GPR137C: variants seen among roughly 807,000 people sequenced by gnomAD.
The protein encoded by GPR137C is integral membrane protein GPR137C.
Under a neutral mutation model 43.4 loss-of-function variants are expected in GPR137C, and 27 were observed. That is an observed-to-expected ratio of 0.62 (90% confidence interval 0.46 to 0.86). The LOEUF is 0.86. Ranked by LOEUF, GPR137C falls within the 40% of genes least tolerant of loss-of-function variation. The pLI is 0.00. For synonymous variants in GPR137C, 285 were observed against 226.9 expected, an observed-to-expected ratio of 1.26 and a Z score of -2.30; for missense variants, 522 against 534.6, an observed-to-expected ratio of 0.98 and a Z score of 0.23.
chr14:52,556,315 T>C (rs1013997449), intron 1 of GPR137C, among the ~76,000 whole-genome samples: 1 of 152,034 alleles, frequency 6.6e-6, no homozygotes, highest in Non-Finnish European at 1.5e-5. Context: ...CAAACTCTAC[T>C]ACTTTGAATA....
chr14:52,621,214 T>C (rs2039157192), intron 3 of GPR137C, among the ~76,000 whole-genome samples: 1 of 151,822 alleles, frequency 6.6e-6, no homozygotes, highest in South Asian at 2.1e-4. Flanking sequence ...AAATGATGAC[T>C]CACTTCTCAT....
At chr14:52,558,926 A>G (rs1003909867) in intron 1 of GPR137C, among the ~76,000 whole-genome samples, 12 of 152,216 alleles carry the variant, frequency 7.9e-5, no homozygotes, top group Non-Finnish European at 1.8e-4. Flanking sequence ...GAATGAGGAT[A>G]TAATGAGCAG....
In GPR137C at chr14:52,634,958, T is replaced by G. The variant is rs752984384; in HGVS notation, c.1133T>G (p.Leu378Trp). ...TGCAGTTTACCAAATTCGCAAAGTT[T>G]GGGCTGGTATGGCACCATGACTGGG... ...REGSLPNSQS[L>W]GWYGTMTGCG... The change falls in exon 7 of 7, where the codon TTG (leucine) becomes TGG (tryptophan). Residue 378 changes from leucine (L) to tryptophan (W), a missense_variant. By Grantham distance (61) the Leu-to-Trp change is moderately conservative. Around this residue, in one of 3 missense-constraint regions of GPR137C, gnomAD observed 67 missense variants for 69.0 expected, o/e 0.97. Transcript: ENST00000321662. 6.8e-6 allele frequency: 11 copies of G among 1,612,616 alleles called. No homozygotes were observed. The highest frequency in any genetic ancestry group is 9.3e-6 in the Non-Finnish European group (11 of 1,179,334).
At position 52,635,607 on chromosome 14, in the gene GPR137C, A is replaced by G. The variant is rs2039344918; in HGVS notation, c.*492A>G. 1 of 152,218 alleles carries G rather than the reference A, an allele frequency of 6.6e-6. No homozygotes were observed. Among genetic ancestry groups the G allele is most frequent in the South Asian group, 2.1e-4 (1 of 4,836 alleles). 9.4% of individuals were successfully genotyped at this position (152,218 alleles called of 1,614,324 possible). A position where few individuals can be genotyped will look rare whatever the true frequency, so the allele number is the denominator to read the frequency against. On this transcript the variant is annotated 3_prime_UTR_variant, in exon 7 of 7. Coordinates refer to ENST00000321662, the MANE Select transcript of GPR137C (RefSeq NM_001099652.2). ...AAGGCATAAAAATGTATCATTCTTTATAAAAATCTACTGAAAATGTGTAAT... is the reference window on the plus strand; with the variant it reads ...AAGGCATAAAAATGTATCATTCTTTGTAAAAATCTACTGAAAATGTGTAAT...
In GPR137C at chr14:52,553,570, C is replaced by G. The variant is rs765206310; in HGVS notation, c.423C>G (p.Leu141=). 6.9e-6 allele frequency: 11 copies of G among 1,591,032 alleles called. 1 individual carries two copies. In the Admixed American group the frequency reaches 1.7e-4, roughly 25 times the overall value. The change falls in exon 1 of 7, where the codon CTC becomes CTG. Residue 141 remains leucine, a synonymous_variant. Coordinates refer to ENST00000321662, the MANE Select transcript of GPR137C (RefSeq NM_001099652.2). ...GTCTCCAGTTCTCCACGCTCTGTCTCCTCAACCTCTACCTGGCGGAGGTAA... is the reference window on the plus strand; with the variant it reads ...GTCTCCAGTTCTCCACGCTCTGTCTGCTCAACCTCTACCTGGCGGAGGTAA... ...PSCLQFSTLC[L]LNLYLAEVIC...
intron 1 of GPR137C, among the ~76,000 whole-genome samples, chr14:52,564,524 T>C (rs1044792689): frequency 3.9e-5 from 6 of 152,238 alleles, no homozygotes; most frequent in East Asian, 3.9e-4. Context: ...TCCTCCTCCT[T>C]TGCTTAGTTA....
intron 3 of GPR137C, among the ~76,000 whole-genome samples, chr14:52,624,009 T>A (rs2039191436): frequency 6.6e-6 from 1 of 151,958 alleles, no homozygotes; most frequent in Non-Finnish European, 1.5e-5. Context: ...AATTCCCCCA[T>A]TTCTAAGCTA....
At chr14:52,566,362 T>C (rs2038370073) in intron 1 of GPR137C, among the ~76,000 whole-genome samples, 1 of 152,206 alleles carries the variant, frequency 6.6e-6, no homozygotes, top group Non-Finnish European at 1.5e-5. Context: ...TCATTTGAGC[T>C]GGTTTGAGGT....
At chr14:52,593,657 C>T (rs2038812949) in intron 1 of GPR137C, among the ~76,000 whole-genome samples, 1 of 152,148 alleles carries the variant, frequency 6.6e-6, no homozygotes, top group Non-Finnish European at 1.5e-5. Flanking sequence ...GTTTGTAATT[C>T]TGTGGGATCG....
At chr14:52,597,903 T>G (rs1241039466) in intron 1 of GPR137C, among the ~76,000 whole-genome samples, 3 of 152,214 alleles carry the variant, frequency 2.0e-5, no homozygotes, top group African/African-American at 4.8e-5. Flanking sequence ...ATATTCATAT[T>G]TAAGCAAGAA....
intron 1 of GPR137C, among the ~76,000 whole-genome samples, chr14:52,576,042 C>T (rs2038546085): frequency 6.6e-6 from 1 of 152,132 alleles, no homozygotes; most frequent in African/African-American, 2.4e-5. Flanking sequence ...ACTCAGTCCC[C>T]AGCCTCTCCA....
Position 52,561,966 on chromosome 14 carries a change from ATAAAT to A in GPR137C, c.444+8378_444+8382del, listed in dbSNP as rs547328470. On this transcript the variant is annotated intron_variant, in intron 1 of 6. Transcript: ENST00000321662. ...CTTAAATGCATGCAGTGTATTGTATATAAATTATATTTCAATGAAGTTGATTTTAA... is the reference window on the plus strand; with the variant it reads ...CTTAAATGCATGCAGTGTATTGTATATATATTTCAATGAAGTTGATTTTAA... Among the ~76,000 whole-genome samples, 10 of 152,296 alleles carry A rather than the reference ATAAAT, an allele frequency of 6.6e-5. No individual in the cohort carries two copies. The East Asian group carries it at 1.9e-3, about 29-fold the overall frequency.
At chr14:52,600,042 C>T in intron 2 of GPR137C, 71 bp from the exon 3 acceptor site, 3 of 965,150 alleles carry the variant, frequency 3.1e-6, no homozygotes, top group African/African-American at 1.6e-5. Context: ...CCTAACATAA[C>T]ACACTAATGC....
chr14:52,618,060 T>C (rs940848685), intron 3 of GPR137C, among the ~76,000 whole-genome samples: 2 of 152,174 alleles, frequency 1.3e-5, no homozygotes, highest in African/African-American at 2.4e-5. Context: ...GAGAGGGGTC[T>C]TGTATAATGA....
Position 52,553,481 on chromosome 14 carries a change from T to G in GPR137C, c.334T>G (p.Leu112Val). 2 of 1,608,904 alleles carry G rather than the reference T, an allele frequency of 1.2e-6. No homozygotes were observed. Among genetic ancestry groups the G allele is most frequent in the Non-Finnish European group, 1.7e-6 (2 of 1,179,770 alleles). ...AAFSLSGSLP[L>V]LRPPAHLHFF... is the part of the protein sequence containing the mutation. ...CTTCTCGCTCAGCGGCTCCCTGCCC[T>G]TGCTCCGGCCGCCCGCTCACCTGCA... The change falls in exon 1 of 7, where the codon TTG becomes GTG. Residue 112 changes from leucine to valine, a missense_variant. Around this residue, in one of 3 missense-constraint regions of GPR137C, gnomAD observed 437 missense variants for 425.7 expected, o/e 1.03. Coordinates refer to ENST00000321662, the MANE Select transcript of GPR137C (RefSeq NM_001099652.2).
chr14:52,619,263 C>T (rs2039133141), intron 3 of GPR137C, among the ~76,000 whole-genome samples: 1 of 152,100 alleles, frequency 6.6e-6, no homozygotes. Context: ...AAGAAACAGG[C>T]TAAAATATTA....
At chr14:52,629,943 C>T (rs918195585) in intron 3 of GPR137C, among the ~76,000 whole-genome samples, 3 of 152,148 alleles carry the variant, frequency 2.0e-5, no homozygotes, top group Non-Finnish European at 4.4e-5. Context: ...ATGTAGGTGT[C>T]AGAGACCGGG....
intron 1 of GPR137C, 150 bp from the exon 2 acceptor site, chr14:52,598,122 C>G (rs1405257404): frequency 1.2e-5 from 5 of 421,586 alleles, no homozygotes; most frequent in East Asian, 7.2e-5. Context: ...AAACCTGTCT[C>G]TTAGTTTATG....
At chr14:52,607,794 G>C (rs2038998036) in intron 3 of GPR137C, among the ~76,000 whole-genome samples, 1 of 151,930 alleles carries the variant, frequency 6.6e-6, no homozygotes, top group Admixed American at 6.5e-5. Flanking sequence ...AGAATCGCTT[G>C]AGCACAGGAG....
Sources: gnomAD v4.1 joint callset for allele counts (sites outside exome capture counted in the v4.1 genomes callset) on GRCh38, gnomAD v4.1.1 for gene constraint, gnomAD v4.1.1 regional missense constraint, MANE v1.5 for transcripts, NCBI Gene and HGNC (gene_info 2026-07-23, HGNC 2026-07-21) for gene names.